The following XRCC4 variants were observed in gnomAD, a reference collection of about 807,000 sequenced individuals.
XRCC4 encodes the protein X-ray repair cross complementing 4.
In XRCC4, 28 loss-of-function variants were observed where a neutral mutation model predicts 39.1. That is an observed-to-expected ratio of 0.72 (90% CI 0.53 to 0.98). The LOEUF (loss-of-function observed/expected upper bound fraction) is 0.98, where lower values mean the gene tolerates loss of function less well. Ranked by LOEUF, XRCC4 falls within the 50% of genes least tolerant of loss-of-function variation. The pLI is 0.00. For missense variants in XRCC4, 350 were observed against 376.4 expected (o/e 0.93, Z 0.58); for synonymous variants, 123 against 126.4 (o/e 0.97, Z 0.18).
intron 7 of XRCC4, among the ~76,000 whole-genome samples, chr5:83,294,266 G>A (rs1207283999): frequency 2.0e-5 from 3 of 151,926 alleles, no homozygotes; most frequent in African/African-American, 7.2e-5. Flanking sequence ...TTGCCAAATA[G>A]TATTTTGTGC....
At chr5:83,129,133 A>C (rs1234022997) in intron 3 of XRCC4, among the ~76,000 whole-genome samples, 3 of 151,244 alleles carry the variant, frequency 2.0e-5, no homozygotes, top group African/African-American at 7.3e-5. Flanking sequence ...TCTTTAATCC[A>C]TCTTGAATTA....
rs569923537 is a variant in XRCC4, at chr5:83,102,849, A to G, written c.-10-2061A>G. Among the ~76,000 whole-genome samples, 4 of 151,812 alleles carry G rather than the reference A, an allele frequency of 2.6e-5. No individual in the cohort carries two copies. In the South Asian group the frequency reaches 8.3e-4, roughly 32 times the overall value. On this transcript the variant is annotated intron_variant, in intron 1 of 7. Coordinates refer to ENST00000396027, the MANE Select transcript of XRCC4 (RefSeq NM_003401.5). Reference sequence around the variant, plus strand: ...ACTAGACTTTCACATTCCTACTGACAAGCAAAGTGCTGTGGTAAGAAGAGC... The same window carrying G: ...ACTAGACTTTCACATTCCTACTGACGAGCAAAGTGCTGTGGTAAGAAGAGC...
intron 6 of XRCC4, among the ~76,000 whole-genome samples, chr5:83,222,030 TA>T (rs1356124357): frequency 6.6e-6 from 1 of 151,948 alleles, no homozygotes; most frequent in African/African-American, 2.4e-5. Context: ...GTTTATCTTT[TA>T]ATTTTTTTTA....
intron 3 of XRCC4, among the ~76,000 whole-genome samples, chr5:83,121,942 C>T (rs1580250395): frequency 6.6e-6 from 1 of 151,996 alleles, no homozygotes; most frequent in East Asian, 1.9e-4. Flanking sequence ...ATTGAATTCC[C>T]TGCTGAATTT....
At chr5:83,304,176 CT>C (rs753535950) in intron 7 of XRCC4, among the ~76,000 whole-genome samples, 8,891 of 128,308 alleles carry the variant, frequency 0.069, 103 homozygotes, top group African/African-American at 0.085. Flanking sequence ...TGTTAAACAA[CT>C]TTTTTTTTTT....
At chr5:83,303,921 G>T (rs1396401929) in intron 7 of XRCC4, among the ~76,000 whole-genome samples, 1 of 152,132 alleles carries the variant, frequency 6.6e-6, no homozygotes, top group Non-Finnish European at 1.5e-5. Context: ...TAATGACTTT[G>T]CACTCAACTA....
intron 3 of XRCC4, among the ~76,000 whole-genome samples, chr5:83,193,965 G>T (rs558770882): frequency 6.6e-6 from 1 of 151,580 alleles, no homozygotes; most frequent in Non-Finnish European, 1.5e-5. Flanking sequence ...ACTGAGTCTC[G>T]CTGTATCGCC....
intron 7 of XRCC4, among the ~76,000 whole-genome samples, chr5:83,290,717 T>G (rs1315085238): frequency 6.6e-6 from 1 of 151,854 alleles, no homozygotes; most frequent in Non-Finnish European, 1.5e-5. Context: ...ATGAAGGAGT[T>G]CAAGTTCTCC....
At chr5:83,219,137 A>C (rs1243427220) in intron 6 of XRCC4, among the ~76,000 whole-genome samples, 1 of 151,998 alleles carries the variant, frequency 6.6e-6, no homozygotes, top group East Asian at 1.9e-4. Context: ...TTCTATACCT[A>C]TCTCTGTTCA....
intron 6 of XRCC4, among the ~76,000 whole-genome samples, chr5:83,208,646 A>G (rs1751512480): frequency 6.6e-6 from 1 of 152,044 alleles, no homozygotes; most frequent in Middle Eastern, 3.2e-3. Flanking sequence ...AAACCACATC[A>G]TGCTCATATG....
chr5:83,082,823 C>G (rs1014007991), intron 1 of XRCC4, among the ~76,000 whole-genome samples: 2 of 151,958 alleles, frequency 1.3e-5, no homozygotes, highest in Non-Finnish European at 1.5e-5. Context: ...CTAAGGAAGT[C>G]AAAAGATTGG....
intron 3 of XRCC4, among the ~76,000 whole-genome samples, chr5:83,153,192 A>G (rs1221465428): frequency 6.6e-6 from 1 of 150,500 alleles, no homozygotes; most frequent in Admixed American, 6.6e-5. Flanking sequence ...AAGCTGTTTC[A>G]TGTAACAATA....
At chr5:83,228,160 C>T (rs558503597) in intron 6 of XRCC4, among the ~76,000 whole-genome samples, 4 of 152,118 alleles carry the variant, frequency 2.6e-5, no homozygotes, top group African/African-American at 9.6e-5. Flanking sequence ...TAAAACTATG[C>T]ATTTCCTTTA....
chr5:83,082,153 G>A (rs1270752801), intron 1 of XRCC4, among the ~76,000 whole-genome samples: 4 of 152,150 alleles, frequency 2.6e-5, no homozygotes, highest in Non-Finnish European at 5.9e-5. Context: ...CTGGATTATA[G>A]TAATTGTGTT....
intron 6 of XRCC4, among the ~76,000 whole-genome samples, chr5:83,233,615 C>A (rs1442870223): frequency 6.6e-6 from 1 of 151,506 alleles, no homozygotes; most frequent in Non-Finnish European, 1.5e-5. Flanking sequence ...AGGCCAGGCA[C>A]GGTGGCTCAT....
chr5:83,248,441 T>C (rs1320694440), intron 6 of XRCC4, among the ~76,000 whole-genome samples: 2 of 152,186 alleles, frequency 1.3e-5, no homozygotes, highest in African/African-American at 4.8e-5. Flanking sequence ...CGGATAATTA[T>C]TAGACAGATC....
chr5:83,095,967 T>C (rs1265510094), intron 1 of XRCC4, among the ~76,000 whole-genome samples: 2 of 151,892 alleles, frequency 1.3e-5, no homozygotes, highest in African/African-American at 4.8e-5. Context: ...GACACACCCG[T>C]TGCAGTGGTT....
intron 3 of XRCC4, among the ~76,000 whole-genome samples, chr5:83,156,283 ATTT>A (rs35796754): frequency 2.9e-5 from 4 of 137,316 alleles, no homozygotes; most frequent in African/African-American, 2.7e-5. Context: ...TTGCCTAAGT[ATTT>A]TTTTTTTTTT....
At chr5:83,155,364 A>T (rs1301656761) in intron 3 of XRCC4, among the ~76,000 whole-genome samples, 2 of 152,198 alleles carry the variant, frequency 1.3e-5, no homozygotes. Context: ...ATTTGAGCAA[A>T]TCATATACAA....
Sources: gnomAD v4.1 joint callset for allele counts (sites outside exome capture counted in the v4.1 genomes callset) on GRCh38, gnomAD v4.1.1 for gene constraint, MANE v1.5 for transcripts, NCBI Gene and HGNC (gene_info 2026-07-23, HGNC 2026-07-21) for gene names.